The following TRIM33 variants were observed in gnomAD, a reference collection of about 807,000 sequenced individuals.
The protein encoded by TRIM33 is E3 ubiquitin-protein ligase TRIM33.
A neutral mutation model predicts 125.4 loss-of-function variants in TRIM33; 20 were observed. That is an observed-to-expected ratio of 0.16 (90% confidence interval 0.11 to 0.23). TRIM33 has a LOEUF of 0.23. Among genes scored for constraint, TRIM33 ranks in the 10% least tolerant of loss-of-function variants. The pLI, the probability that TRIM33 is intolerant of heterozygous loss-of-function variation, is 1.00. For missense variants in TRIM33, 920 were observed against 1,411.4 expected (o/e 0.65, Z 5.58); for synonymous variants, 564 against 513.9 (o/e 1.10, Z -1.32).
In TRIM33 at chr1:114,397,604, TTCG is replaced by T; in HGVS notation, c.*41_*43del. 4 of 1,180,416 alleles carry T rather than the reference TTCG, an allele frequency of 3.4e-6. No homozygotes were observed. Among genetic ancestry groups the T allele is most frequent in the Admixed American group, 2.3e-5 (1 of 44,162 alleles). 73.1% of individuals were successfully genotyped at this position (1,180,416 alleles called of 1,614,324 possible). A position where few individuals can be genotyped will look rare whatever the true frequency, so the allele number is the denominator to read the frequency against. ...GGTTTTTTGTGTTTTTTTTTTTTTT[TTCG>T]TTTTTTTTTTTTTAAACAATTGATT... is the stretch of plus-strand genomic sequence containing the variant. On this transcript the variant is annotated 3_prime_UTR_variant, in exon 20 of 20. Coordinates refer to ENST00000358465, the MANE Select transcript of TRIM33 (RefSeq NM_015906.4).
intron 4 of TRIM33, among the ~76,000 whole-genome samples, chr1:114,449,985 A>G (rs1649215851): frequency 6.6e-6 from 1 of 152,194 alleles, no homozygotes; most frequent in Non-Finnish European, 1.5e-5. Context: ...GGTGAATCAC[A>G]TTCTCTAATG....
At chr1:114,472,337 G>T (rs913591559) in intron 1 of TRIM33, among the ~76,000 whole-genome samples, 1 of 152,144 alleles carries the variant, frequency 6.6e-6, no homozygotes, top group Admixed American at 6.5e-5. Flanking sequence ...ACAATACTGT[G>T]ATTCAAGCAG....
intron 9 of TRIM33, 71 bp from the exon 10 acceptor site, chr1:114,424,826 C>A: frequency 1.9e-6 from 2 of 1,074,850 alleles, no homozygotes; most frequent in Non-Finnish European, 2.5e-6. Context: ...AAAATGTAAT[C>A]ATAAAAATAA....
rs1170555732 is a variant in TRIM33 at position 114,406,953 on chromosome 1, C to T, written c.2406G>A (p.Arg802=). 3 of 1,613,486 alleles carry T rather than the reference C, an allele frequency of 1.9e-6. No homozygotes were observed. The highest frequency in any genetic ancestry group is 2.2e-5 in the East Asian group (1 of 44,878). Reference sequence around the variant, plus strand: ...AGTGGGAGCTTACCATGCAAGCACTCCTCCTGCCATCCTCTGTTTTTTCTT... The same window carrying T: ...AGTGGGAGCTTACCATGCAAGCACTTCTCCTGCCATCCTCTGTTTTTTCTT... ...VKQEKTEDGR[R]SACMLSSPES... Residue 802 remains arginine (R), a synonymous_variant, in exon 14 of 20, where the codon AGG becomes AGA. Transcript: ENST00000358465.
chr1:114,407,772 A>C (rs544889143), intron 13 of TRIM33, among the ~76,000 whole-genome samples: 2 of 152,296 alleles, frequency 1.3e-5, no homozygotes, highest in South Asian at 4.1e-4. Context: ...AATAACAATA[A>C]AACTGTCACT....
In TRIM33 at chr1:114,405,774, T is replaced by A. The variant is rs1407375527; in HGVS notation, c.2419-15A>T. The stretch of plus-strand genomic sequence containing the variant: ...GGACTGCTCAACTAAAACAAAACGA[T>A]GACAAATTCTTGAAGAATCATTTAA... On this transcript the variant is annotated splice_polypyrimidine_tract_variant and intron_variant, in intron 14 of 19. Coordinates refer to ENST00000358465, the MANE Select transcript of TRIM33 (RefSeq NM_015906.4). 1.3e-6 allele frequency: 2 copies of A among 1,578,406 alleles called. No individual in the cohort carries two copies. The highest frequency in any genetic ancestry group is 2.2e-5 in the East Asian group (1 of 44,642).
chr1:114,456,485 T>A (rs150162434), intron 4 of TRIM33, among the ~76,000 whole-genome samples: 1 of 152,268 alleles, frequency 6.6e-6, no homozygotes, highest in Non-Finnish European at 1.5e-5. Context: ...CGCCATAGCA[T>A]CAGCAGTTCC....
At chr1:114,470,939 C>G in intron 1 of TRIM33, among the ~76,000 whole-genome samples, 1 of 152,332 alleles carries the variant, frequency 6.6e-6, no homozygotes, top group African/African-American at 2.4e-5. Context: ...GTGGGGACCA[C>G]AGGCTCATGC....
chr1:114,451,149 C>G lies in TRIM33; in HGVS notation c.923+11955G>C, dbSNP rs1649285722. The stretch of plus-strand genomic sequence containing the variant: ...CTGATTTCAGCCTGGTACTTCCTCC[C>G]CATGTGGACCTAATATCCCCAAGTC... On this transcript the variant is annotated intron_variant, in intron 4 of 19. Coordinates refer to ENST00000358465, the MANE Select transcript of TRIM33 (RefSeq NM_015906.4). Among the ~76,000 whole-genome samples the G allele has an allele frequency of 1.3e-5, 2 of 152,044 alleles. 1 individual carries two copies. The highest frequency in any genetic ancestry group is 4.2e-4 in the South Asian group (2 of 4,818).
chr1:114,474,578 TAAA>T (rs34473575), intron 1 of TRIM33, among the ~76,000 whole-genome samples: 2 of 78,978 alleles, frequency 2.5e-5, no homozygotes, highest in Admixed American at 1.6e-4. Flanking sequence ...TGTCTCTATT[TAAA>T]AAAAAAAAAA....
At chr1:114,468,803 A>G in intron 1 of TRIM33, 1 of 347,326 alleles carries the variant, frequency 2.9e-6, no homozygotes, top group South Asian at 2.6e-5. Flanking sequence ...ATAATCATAC[A>G]GGCCCTGCTA....
At chr1:114,433,360 A>G (rs1648088515) in intron 5 of TRIM33, among the ~76,000 whole-genome samples, 1 of 152,194 alleles carries the variant, frequency 6.6e-6, no homozygotes, top group Non-Finnish European at 1.5e-5. Flanking sequence ...ATATTAATTT[A>G]TTTGTTTCCA....
chr1:114,432,691 C>T (rs1163224159), intron 5 of TRIM33, among the ~76,000 whole-genome samples: 2 of 152,046 alleles, frequency 1.3e-5, no homozygotes, highest in African/African-American at 4.8e-5. Context: ...GAGGCTGAGG[C>T]AGGAGAATGG....
intron 1 of TRIM33, among the ~76,000 whole-genome samples, chr1:114,486,978 T>C (rs1651738819): frequency 6.6e-6 from 1 of 151,590 alleles, no homozygotes; most frequent in Admixed American, 6.6e-5. Context: ...TACCAGTTAC[T>C]TGGGAGGCTG....
intron 1 of TRIM33, among the ~76,000 whole-genome samples, chr1:114,474,097 C>T (rs1418383466): frequency 6.6e-6 from 1 of 152,040 alleles, no homozygotes; most frequent in Non-Finnish European, 1.5e-5. Context: ...GATAGGGTCT[C>T]ACTATATCAC....
intron 1 of TRIM33, among the ~76,000 whole-genome samples, chr1:114,473,899 A>G (rs1342724483): frequency 6.6e-6 from 1 of 152,198 alleles, no homozygotes; most frequent in African/African-American, 2.4e-5. Context: ...ACTGCTATAT[A>G]CTGTTTACCA....
At chr1:114,416,298 A>G (rs1652938945) in intron 11 of TRIM33, among the ~76,000 whole-genome samples, 1 of 152,210 alleles carries the variant, frequency 6.6e-6, no homozygotes, top group South Asian at 2.1e-4. Context: ...AATGAGATAC[A>G]TGTACTGTAC....
At chr1:114,469,944 G>T (rs371008936) in intron 1 of TRIM33, among the ~76,000 whole-genome samples, 1 of 152,150 alleles carries the variant, frequency 6.6e-6, no homozygotes. Flanking sequence ...TAATATCATA[G>T]AGTAACATAT....
At chr1:114,407,508 T>C (rs933291527) in intron 13 of TRIM33, among the ~76,000 whole-genome samples, 2 of 152,114 alleles carry the variant, frequency 1.3e-5, no homozygotes, top group Non-Finnish European at 2.9e-5. Flanking sequence ...CAGAACTTCC[T>C]GGGAAAGTGG....
Sources: allele counts gnomAD v4.1 joint callset (sites outside exome capture counted in the v4.1 genomes callset), GRCh38; gene constraint gnomAD v4.1.1; transcripts MANE v1.5; gene names NCBI Gene and HGNC (gene_info 2026-07-23, HGNC 2026-07-21).